The following RUNDC1 variants were observed in gnomAD, a reference collection of about 807,000 sequenced individuals.
RUNDC1 encodes RUN domain-containing protein 1.
Under a neutral mutation model 49.3 loss-of-function variants are expected in RUNDC1, and 31 were observed. That is an observed-to-expected ratio of 0.63 (90% CI 0.47 to 0.85). The LOEUF (loss-of-function observed/expected upper bound fraction) is 0.85, where lower values mean the gene tolerates loss of function less well. RUNDC1 is among the 40% of genes least tolerant of loss of function. The pLI is 0.00. For missense variants in RUNDC1, 715 were observed against 806.7 expected, an observed-to-expected ratio of 0.89 and a Z score of 1.38; for synonymous variants, 347 against 348.6, an observed-to-expected ratio of 1.00 and a Z score of 0.05.
intron 2 of RUNDC1, 61 bp from the exon 3 acceptor site, chr17:42,989,280 C>G: frequency 7.9e-7 from 1 of 1,270,498 alleles, no homozygotes; most frequent in Non-Finnish European, 1.1e-6. Flanking sequence ...TTTAGATTCT[C>G]CTTCCTAACC....
chr17:42,985,598 TTTTC>T (rs1286678670), intron 1 of RUNDC1: 1 of 366,760 alleles, frequency 2.7e-6, no homozygotes, highest in Non-Finnish European at 3.1e-6. Context: ...TAATTTGTTG[TTTTC>T]TTTTTTTTTT....
chr17:42,984,877 T>TTTTC (rs1447938464), intron 1 of RUNDC1, among the ~76,000 whole-genome samples: 6 of 147,814 alleles, frequency 4.1e-5, no homozygotes, highest in African/African-American at 9.9e-5. Flanking sequence ...TTCTTTTTCT[T>TTTTC]TTTCTTTCTT....
Position 42,994,042 on chromosome 17 carries a change from TAGAG to T in RUNDC1, c.*2329_*2332del, listed in dbSNP as rs372821242. Among the ~76,000 whole-genome samples, 169 of 152,288 alleles carry T rather than the reference TAGAG, an allele frequency of 1.1e-3. No individual in the cohort carries two copies. Among genetic ancestry groups the T allele is most frequent in the African/African-American group, 3.5e-3 (146 of 41,566 alleles). On this transcript the variant is annotated 3_prime_UTR_variant, in exon 5 of 5. Coordinates refer to ENST00000361677, the MANE Select transcript of RUNDC1 (RefSeq NM_173079.5). The stretch of plus-strand genomic sequence containing the variant: ...GCCTGGCTAATGTTTGTATTTTTAA[TAGAG>T]AGGGTTTCACCACATTTGTCAGGCT...
intron 2 of RUNDC1, 92 bp downstream of exon 2, chr17:42,987,506 C>T (rs1006346898): frequency 1.6e-6 from 2 of 1,263,084 alleles, no homozygotes; most frequent in South Asian, 1.4e-5. Context: ...CTCAGTTCTC[C>T]TTTGGCCTTA....
chr17:42,984,581 G>A (rs2050144982), intron 1 of RUNDC1, among the ~76,000 whole-genome samples: 1 of 152,066 alleles, frequency 6.6e-6, no homozygotes. Context: ...ACTTCATACT[G>A]GAAATGATTT....
chr17:42,990,862 G>A lies in RUNDC1; in HGVS notation c.988G>A (p.Asp330Asn), dbSNP rs761730621. 24 of 1,593,870 alleles carry A rather than the reference G, an allele frequency of 1.5e-5. No individual in the cohort carries two copies. The highest frequency in any genetic ancestry group is 1.8e-5 in the Non-Finnish European group (21 of 1,165,942). ...TCTTTTCTAAGCAGCAAAGGCAGAG[G>A]ATGTGAAGAAAGTCCGGGAGACGGG... ...PPGNSKTKAE[D>N]VKKVRETGLH... Residue 330 changes from aspartate (D) to asparagine (N), a missense_variant, in exon 5 of 5, where the codon GAT becomes AAT. By Grantham distance (23) the Asp-to-Asn change is conservative. Around this residue, in one of 5 missense-constraint regions of RUNDC1, gnomAD observed 425 missense variants for 499.7 expected, o/e 0.85. Coordinates refer to ENST00000361677, the MANE Select transcript of RUNDC1 (RefSeq NM_173079.5).
At position 42,991,208 on chromosome 17, in the gene RUNDC1, C is replaced by T. The variant is rs2151960884; in HGVS notation, c.1334C>T (p.Ser445Phe). The T allele has an allele frequency of 1.2e-6, 2 of 1,614,254 alleles. No homozygotes were observed. The highest frequency in any genetic ancestry group is 8.5e-7 in the Non-Finnish European group (1 of 1,180,044). Reference protein sequence around the residue: ...RDLLAHGLYASSPGMSLVMAP... With the variant: ...RDLLAHGLYAFSPGMSLVMAP... ...CTGCTGGCCCATGGACTGTATGCCT[C>T]CTCCCCAGGGATGAGCCTTGTTATG... Residue 445 changes from serine (S) to phenylalanine (F), a missense_variant, in exon 5 of 5, where the codon TCC becomes TTC. Physicochemically the swap from Ser to Phe is radical, Grantham distance 155 (BLOSUM62 -2). Transcript: ENST00000361677.
intron 3 of RUNDC1, 48 bp downstream of exon 3, chr17:42,989,587 T>C (rs2050212406): frequency 6.5e-7 from 1 of 1,531,486 alleles, no homozygotes; most frequent in East Asian, 2.3e-5. Context: ...GTCATAATAA[T>C]TATACTTATT....
In RUNDC1 at chr17:42,993,000, A is replaced by G. The variant is rs1164421867; in HGVS notation, c.*1284A>G. 2.6e-5 allele frequency: 4 copies of G among 152,224 alleles called. No homozygotes were observed. The highest frequency in any genetic ancestry group is 5.9e-5 in the Non-Finnish European group (4 of 68,046). The allele number at this position is 152,224 out of a possible 1,614,324, so 9.4% of individuals were successfully genotyped here. A position where few individuals can be genotyped will look rare whatever the true frequency, so the allele number is the denominator to read the frequency against. On this transcript the variant is annotated 3_prime_UTR_variant, in exon 5 of 5. Transcript: ENST00000361677. ...ACTAACAGTCTTTTTAGAAGTAAATATATTCAAGACAAACGAGAAAATCCT... is the reference window on the plus strand; with the variant it reads ...ACTAACAGTCTTTTTAGAAGTAAATGTATTCAAGACAAACGAGAAAATCCT...
intron 2 of RUNDC1, 34 bp downstream of exon 2, chr17:42,987,448 C>G (rs1190179630): frequency 6.2e-7 from 1 of 1,606,348 alleles, no homozygotes; most frequent in African/African-American, 1.3e-5. Flanking sequence ...CCACCACTGC[C>G]CGAGGTTAAC....
In RUNDC1 at chr17:42,991,699, A is replaced by G. The variant is rs1427372248; in HGVS notation, c.1825A>G (p.Ile609Val). 5 of 1,612,424 alleles carry G rather than the reference A, an allele frequency of 3.1e-6. No homozygotes were observed. The Admixed American group carries it at 6.7e-5, about 22-fold the overall frequency. Residue 609 changes from isoleucine to valine, a missense_variant, in exon 5 of 5, where the codon ATC (isoleucine) becomes GTC (valine). Transcript: ENST00000361677. Reference protein sequence around the residue: ...VDLAVRQLKNIKDAF With the variant: ...VDLAVRQLKNVKDAF ...TCTGGCTGTGCGCCAGCTCAAAAAC[A>G]TCAAAGATGCCTTTTGATGAGAGTG... is the stretch of plus-strand genomic sequence containing the variant.
chr17:42,989,503 A>T lies in RUNDC1; in HGVS notation c.820A>T (p.Ile274Phe). 1 of 1,614,218 alleles carries T rather than the reference A, an allele frequency of 6.2e-7. No individual in the cohort carries two copies. Among genetic ancestry groups the T allele is most frequent in the Non-Finnish European group, 8.5e-7 (1 of 1,180,036 alleles). The change falls in exon 3 of 5, where the codon ATC becomes TTC. Residue 274 changes from isoleucine (I) to phenylalanine (F), a missense_variant. Ile to Phe is a conservative substitution (Grantham distance 21). Transcript: ENST00000361677. ...EQLVEQLKTQ[I>F]RDLEMFINFI... ...GTTGGTTGAGCAACTGAAAACTCAG[A>T]TCCGAGACCTTGAGATGTTTATCAA...
intron 1 of RUNDC1, among the ~76,000 whole-genome samples, chr17:42,985,310 GA>G (rs2050156511): frequency 6.6e-6 from 1 of 152,204 alleles, no homozygotes. Flanking sequence ...GGAGTTCATA[GA>G]CTAGAAGAGA....
chr17:42,980,603 G>A lies in RUNDC1; in HGVS notation c.27G>A (p.Glu9=), dbSNP rs376633797. ...TGGCGGCTGTCGAAGCGGCTGCAGA[G>A]CCGGTAACGGTGGTGGCGGCTGTTG... The part of the protein sequence containing the change: MAAVEAAA[E]PVTVVAAVGP... Residue 9 remains glutamate (E), a synonymous_variant, in exon 1 of 5, where the codon GAG becomes GAA. Transcript: ENST00000361677. The A allele has an allele frequency of 2.0e-3, 3,299 of 1,609,664 alleles. 7 individuals are homozygous for A. Among genetic ancestry groups the A allele is most frequent in the Non-Finnish European group, 2.7e-3 (3,181 of 1,179,380 alleles).
rs1437755576 is a variant in RUNDC1 at position 42,991,535 on chromosome 17, G to T, written c.1661G>T (p.Trp554Leu). 6.2e-7 allele frequency: 1 copy of T among 1,614,112 alleles called. No homozygotes were observed. Among genetic ancestry groups the T allele is most frequent in the Non-Finnish European group, 8.5e-7 (1 of 1,180,010 alleles). Residue 554 changes from tryptophan (W) to leucine (L), a missense_variant, in exon 5 of 5, where the codon TGG (tryptophan) becomes TTG (leucine). Coordinates refer to ENST00000361677, the MANE Select transcript of RUNDC1 (RefSeq NM_173079.5). The part of the protein sequence containing the change: ...MALNEQRLVS[W>L]VNLICKSGSL... Reference sequence around the variant, plus strand: ...CTGAATGAGCAGCGTCTGGTGTCCTGGGTGAACCTCATCTGCAAGTCCGGG... The same window carrying T: ...CTGAATGAGCAGCGTCTGGTGTCCTTGGTGAACCTCATCTGCAAGTCCGGG...
rs2050182585 is a variant in RUNDC1 at position 42,987,205 on chromosome 17, C to T, written c.499-51C>T. 4 of 1,484,754 alleles carry T rather than the reference C, an allele frequency of 2.7e-6. No individual in the cohort carries two copies. The African/African-American group carries it at 4.2e-5, about 15-fold the overall frequency. The allele number at this position is 1,484,754 out of a possible 1,614,324, so 92.0% of individuals were successfully genotyped here. On this transcript the variant is annotated intron_variant, in intron 1 of 4. Transcript: ENST00000361677. ...TGGCTCGAGCAGATTCTTAATGTGC[C>T]CTGAGTTTCCCTTTGCCTGCATAAT...
chr17:42,982,724 A>G (rs1406451129), intron 1 of RUNDC1, among the ~76,000 whole-genome samples: 1 of 151,916 alleles, frequency 6.6e-6, no homozygotes, highest in African/African-American at 2.4e-5. Flanking sequence ...CTGTAATCCT[A>G]GCACTTTGGG....
Position 42,992,964 on chromosome 17 carries a change from C to G in RUNDC1, c.*1248C>G, listed in dbSNP as rs1325828108. 1.3e-5 allele frequency: 2 copies of G among 151,940 alleles called. No individual in the cohort carries two copies. Among genetic ancestry groups the G allele is most frequent in the Non-Finnish European group, 2.9e-5 (2 of 68,030 alleles). 9.4% of individuals were successfully genotyped at this position (151,940 alleles called of 1,614,324 possible). ...AGCAAGTAAACATTCCTCTGCTCAC[C>G]TCCCAACAAGACTAACAGTCTTTTT... On this transcript the variant is annotated 3_prime_UTR_variant, in exon 5 of 5. Coordinates refer to ENST00000361677, the MANE Select transcript of RUNDC1 (RefSeq NM_173079.5).
intron 1 of RUNDC1, among the ~76,000 whole-genome samples, chr17:42,984,317 G>T (rs2050141501): frequency 6.9e-6 from 1 of 144,624 alleles, no homozygotes; most frequent in African/African-American, 2.6e-5. Flanking sequence ...GTCTGGCCCT[G>T]TCACCCAGGC....
Sources: allele counts gnomAD v4.1 joint callset (sites outside exome capture counted in the v4.1 genomes callset), GRCh38; gene constraint gnomAD v4.1.1; regional missense constraint gnomAD v4.1.1; transcripts MANE v1.5; gene names NCBI Gene and HGNC (gene_info 2026-07-23, HGNC 2026-07-21).